Variants in SNTG1 observed in about 807,000 individuals in gnomAD.
SNTG1 encodes syntrophin gamma 1, also known as gamma-1-syntrophin.
SNTG1 carries 39 observed loss-of-function variants against 74.7 expected under a neutral mutation model. That is an observed-to-expected ratio of 0.52 (90% CI 0.40 to 0.68). The LOEUF (loss-of-function observed/expected upper bound fraction) is 0.68. Among genes scored for constraint, SNTG1 ranks in the 30% least tolerant of loss-of-function variants. The pLI is 0.00. For synonymous variants in SNTG1, 254 were observed against 217.1 expected, an observed-to-expected ratio of 1.17 and a Z score of -1.49; for missense variants, 685 against 609.5, an observed-to-expected ratio of 1.12 and a Z score of -1.30.
At chr8:50,137,231 C>T (rs1306535418) in intron 1 of SNTG1, among the ~76,000 whole-genome samples, 1 of 152,158 alleles carries the variant, frequency 6.6e-6, no homozygotes, top group Non-Finnish European at 1.5e-5. Context: ...AGCTAGAAGG[C>T]TCCTGAATTA....
chr8:50,536,897 T>C (rs1035569619), intron 11 of SNTG1, 89 bp downstream of exon 11: 93 of 1,446,268 alleles, frequency 6.4e-5, no homozygotes, highest in Non-Finnish European at 8.6e-5. Flanking sequence ...ATACGCCTTA[T>C]GATTTTAGTA....
intron 1 of SNTG1, among the ~76,000 whole-genome samples, chr8:49,981,579 T>C (rs1812684711): frequency 6.6e-6 from 1 of 152,242 alleles, no homozygotes; most frequent in African/African-American, 2.4e-5. Flanking sequence ...GTTACTTGTT[T>C]GTCTGCCACC....
chr8:50,167,616 A>G (rs933533573), intron 1 of SNTG1, among the ~76,000 whole-genome samples: 1 of 151,078 alleles, frequency 6.6e-6, no homozygotes, highest in South Asian at 2.1e-4. Context: ...GAGCAACAGA[A>G]CAAAACCTCA....
At chr8:50,328,147 C>G (rs1490040480) in intron 2 of SNTG1, among the ~76,000 whole-genome samples, 1 of 151,932 alleles carries the variant, frequency 6.6e-6, no homozygotes, top group Non-Finnish European at 1.5e-5. Context: ...TTATGCAGAT[C>G]CGAGTTTCTG....
chr8:50,331,117 G>A (rs750469823), intron 2 of SNTG1, among the ~76,000 whole-genome samples: 1 of 152,168 alleles, frequency 6.6e-6, no homozygotes, highest in Non-Finnish European at 1.5e-5. Context: ...TCATGTGTGT[G>A]TGTATGTGCA....
intron 2 of SNTG1, among the ~76,000 whole-genome samples, chr8:50,247,770 C>T (rs529564436): frequency 1.2e-4 from 18 of 152,120 alleles, no homozygotes; most frequent in Non-Finnish European, 7.4e-5. Context: ...GTGATCCTCC[C>T]ACCTCAGCTT....
At chr8:50,471,831 G>A (rs2093656458) in intron 8 of SNTG1, among the ~76,000 whole-genome samples, 1 of 152,044 alleles carries the variant, frequency 6.6e-6, no homozygotes, top group South Asian at 2.1e-4. Context: ...AGTCCATAAA[G>A]CAAAGTTAGA....
intron 2 of SNTG1, among the ~76,000 whole-genome samples, chr8:50,276,881 A>C (rs2088143177): frequency 6.6e-6 from 1 of 151,858 alleles, no homozygotes; most frequent in Non-Finnish European, 1.5e-5. Context: ...TCCGTTGCCC[A>C]GGCTGGAGTG....
intron 13 of SNTG1, among the ~76,000 whole-genome samples, chr8:50,645,084 C>A (rs1436760422): frequency 2.0e-5 from 3 of 152,036 alleles, no homozygotes; most frequent in African/African-American, 7.3e-5. Context: ...AACATTTAAA[C>A]TTCTGCTAGC....
At chr8:49,973,283 T>A (rs1209544930) in intron 1 of SNTG1, among the ~76,000 whole-genome samples, 1 of 151,482 alleles carries the variant, frequency 6.6e-6, no homozygotes, top group Non-Finnish European at 1.5e-5. Flanking sequence ...AAACACCGCA[T>A]GTTCTCACTC....
intron 1 of SNTG1, among the ~76,000 whole-genome samples, chr8:49,925,640 T>C (rs1806955365): frequency 6.6e-6 from 1 of 152,244 alleles, no homozygotes; most frequent in African/African-American, 2.4e-5. Flanking sequence ...TTCTGCTCTC[T>C]ATCTCTACAA....
chr8:50,450,650 A>G, intron 7 of SNTG1, 38 bp from the exon 8 acceptor site: 3 of 1,613,418 alleles, frequency 1.9e-6, no homozygotes, highest in East Asian at 2.2e-5. Context: ...TCAATTTACA[A>G]TATGCCATGG....
intron 8 of SNTG1, among the ~76,000 whole-genome samples, chr8:50,471,141 G>A (rs1030545538): frequency 1.3e-5 from 2 of 151,852 alleles, no homozygotes; most frequent in African/African-American, 4.8e-5. Context: ...ACCCACCCCA[G>A]AAGCCCAGCC....
intron 1 of SNTG1, among the ~76,000 whole-genome samples, chr8:50,031,812 A>G (rs1817761519): frequency 6.6e-6 from 1 of 152,106 alleles, no homozygotes; most frequent in Non-Finnish European, 1.5e-5. Context: ...GTTTTGGTAC[A>G]AGAGTAATAC....
At chr8:50,419,589 G>T (rs956826342) in intron 4 of SNTG1, among the ~76,000 whole-genome samples, 1 of 152,106 alleles carries the variant, frequency 6.6e-6, no homozygotes, top group African/African-American at 2.4e-5. Flanking sequence ...CAGTAATAAG[G>T]CTCTCCTCCT....
At chr8:50,516,094 A>C (rs2094131649) in intron 9 of SNTG1, among the ~76,000 whole-genome samples, 1 of 152,106 alleles carries the variant, frequency 6.6e-6, no homozygotes, top group African/African-American at 2.4e-5. Context: ...GCTTCCAGAG[A>C]AAGGAACAGG....
At chr8:50,084,214 C>T (rs1227278989) in intron 1 of SNTG1, among the ~76,000 whole-genome samples, 2 of 152,192 alleles carry the variant, frequency 1.3e-5, no homozygotes, top group Non-Finnish European at 2.9e-5. Context: ...GTAATCCCAG[C>T]TCCTTGGGAA....
intron 2 of SNTG1, among the ~76,000 whole-genome samples, chr8:50,177,876 C>G (rs553367280): frequency 6.6e-6 from 1 of 152,292 alleles, no homozygotes; most frequent in African/African-American, 2.4e-5. Context: ...TTATTTAACT[C>G]TCCTCATTCC....
chr8:50,403,322 T>A (rs955372353), intron 4 of SNTG1, among the ~76,000 whole-genome samples: 1 of 152,200 alleles, frequency 6.6e-6, no homozygotes, highest in Non-Finnish European at 1.5e-5. Flanking sequence ...AGGCCCTAAA[T>A]CAATAGGCCT....
Sources: allele counts gnomAD v4.1 joint callset (sites outside exome capture counted in the v4.1 genomes callset), GRCh38; gene constraint gnomAD v4.1.1; transcripts MANE v1.5; gene names NCBI Gene and HGNC (gene_info 2026-07-23, HGNC 2026-07-21).